The following DOK3 variants were observed in gnomAD, a reference collection of about 807,000 sequenced individuals.
DOK3 encodes docking protein 3, also known as Dok-like protein.
Under a neutral mutation model 26.2 loss-of-function variants are expected in DOK3, and 23 were observed. That is an observed-to-expected ratio of 0.88 (90% CI 0.63 to 1.24). The LOEUF is 1.24. Among genes scored for constraint, DOK3 ranks in the 50% most tolerant of loss-of-function variants. The pLI is 0.00. For missense variants in DOK3, 619 were observed against 610.6 expected (o/e 1.01, Z -0.15); for synonymous variants, 268 against 268.2 (o/e 1.00, Z 0.01).
chr5:177,509,967 C>A (rs551588361), upstream of DOK3: 3 of 1,418,210 alleles, frequency 2.1e-6, no homozygotes, highest in African/African-American at 4.3e-5. Flanking sequence ...CTTTCCCACT[C>A]GGCGTCCTGG....
chr5:177,505,094 G>A lies in DOK3; in HGVS notation c.389C>T (p.Ser130Phe). 1.2e-6 allele frequency: 2 copies of A among 1,611,450 alleles called. No homozygotes were observed. The highest frequency in any genetic ancestry group is 1.7e-6 in the Non-Finnish European group (2 of 1,178,950). ...QLAFPGTGEA[S>F]SGSTDAQSPK... The stretch of plus-strand genomic sequence containing the variant: ...AGACTGGGCATCTGTGGATCCTGAG[G>A]AGGCCTCCCCTGTCCCCTGGGGAAT... The change falls in exon 4 of 6, where the codon TCC becomes TTC. Residue 130 changes from serine to phenylalanine, a missense_variant. Ser to Phe is a radical substitution (Grantham distance 155). Coordinates refer to ENST00000510898, the MANE Select transcript of DOK3 (RefSeq NM_001308236.3).
Position 177,504,121 on chromosome 5 carries a change from G to A in DOK3, c.1185C>T (p.Ala395=), listed in dbSNP as rs1759687645. The A allele has an allele frequency of 1.9e-6, 3 of 1,613,838 alleles. No homozygotes were observed. In the East Asian group the frequency reaches 6.7e-5, roughly 36 times the overall value. ...PGPANDSTLE[A]QYRRLLELDQ... ...CCAGCTCCAGCAGCCGCCGGTACTGGGCCTCCAGGGTACTGTCGTTGGCCG... is the reference window on the plus strand; with the variant it reads ...CCAGCTCCAGCAGCCGCCGGTACTGAGCCTCCAGGGTACTGTCGTTGGCCG... The change falls in exon 6 of 6, where the codon GCC becomes GCT. Residue 395 remains alanine (A), a synonymous_variant. Coordinates refer to ENST00000510898, the MANE Select transcript of DOK3 (RefSeq NM_001308236.3).
Position 177,504,844 on chromosome 5 carries a change from G to A in DOK3, c.544C>T (p.Leu182=). Residue 182 remains leucine, a synonymous_variant, in exon 5 of 6, where the codon CTG becomes TTG. Coordinates refer to ENST00000510898, the MANE Select transcript of DOK3 (RefSeq NM_001308236.3). ...TGGATGGCGTCTGGGCCCAGCACCA[G>A]CAGGGCCGGCCCCTTCAGCTGGCAG... The part of the protein sequence containing the change: ...TRCQLKGPAL[L]VLGPDAIQLR... 6.2e-7 allele frequency: 1 copy of A among 1,612,834 alleles called. No individual in the cohort carries two copies.
At position 177,509,504 on chromosome 5, in the gene DOK3, G is replaced by A; in HGVS notation, c.37C>T (p.Leu13Phe). Residue 13 changes from leucine (L) to phenylalanine (F), a missense_variant, in exon 2 of 6, where the codon CTC becomes TTC. Coordinates refer to ENST00000510898, the MANE Select transcript of DOK3 (RefSeq NM_001308236.3). ...CCAAACTTGACATGCTGCTGGTAGAGGATGCCATCCTTGATAGGGGTCTCC... is the reference window on the plus strand; with the variant it reads ...CCAAACTTGACATGCTGCTGGTAGAAGATGCCATCCTTGATAGGGGTCTCC... ...PLETPIKDGI[L>F]YQQHVKFGKK... 3 of 1,610,352 alleles carry A rather than the reference G, an allele frequency of 1.9e-6. No individual in the cohort carries two copies. The highest frequency in any genetic ancestry group is 2.5e-6 in the Non-Finnish European group (3 of 1,178,246).
chr5:177,505,058 C>A lies in DOK3; in HGVS notation c.425G>T (p.Gly142Val). ...GGAGTTTTCCTCCATGGGGACCAGG[C>A]CCCTCTTGGGAGACTGGGCATCTGT... ...GSTDAQSPKR[G>V]LVPMEENSIY... Residue 142 changes from glycine (G) to valine (V), a missense_variant, in exon 4 of 6, where the codon GGC (glycine) becomes GTC (valine). By Grantham distance (109) the Gly-to-Val change is moderately radical. Transcript: ENST00000510898. 1.2e-6 allele frequency: 2 copies of A among 1,612,226 alleles called. No homozygotes were observed. The highest frequency in any genetic ancestry group is 1.1e-5 in the South Asian group (1 of 90,872).
At position 177,509,519 on chromosome 5, in the gene DOK3, T is replaced by C. The variant is rs1171325810; in HGVS notation, c.22A>G (p.Ile8Val). The C allele has an allele frequency of 1.9e-6, 3 of 1,610,742 alleles. No homozygotes were observed. The highest frequency in any genetic ancestry group is 2.5e-6 in the Non-Finnish European group (3 of 1,178,452). MDPLETP[I>V]KDGILYQQHV... Reference sequence around the variant, plus strand: ...TGCTGGTAGAGGATGCCATCCTTGATAGGGGTCTCCAGAGGGTCCATGGTC... The same window carrying C: ...TGCTGGTAGAGGATGCCATCCTTGACAGGGGTCTCCAGAGGGTCCATGGTC... Residue 8 changes from isoleucine to valine, a missense_variant, in exon 2 of 6, where the codon ATC (isoleucine) becomes GTC (valine). Transcript: ENST00000510898.
chr5:177,503,418 G>A lies in DOK3; in HGVS notation c.*565C>T. The A allele has an allele frequency of 6.6e-7, 1 of 1,521,614 alleles. No individual in the cohort carries two copies. Among genetic ancestry groups the A allele is most frequent in the Non-Finnish European group, 8.9e-7 (1 of 1,126,296 alleles). The allele number at this position is 1,521,614 out of a possible 1,614,324, so 94.3% of individuals were successfully genotyped here. The stretch of plus-strand genomic sequence containing the variant: ...CTGCAAATTGTTGGAGTTTCAGCAG[G>A]GAACAAGTGTTTTGGACGAGGGTGT... On this transcript the variant is annotated 3_prime_UTR_variant, in exon 6 of 6. Coordinates refer to ENST00000510898, the MANE Select transcript of DOK3 (RefSeq NM_001308236.3).
Position 177,503,806 on chromosome 5 carries a change from C to T in DOK3, c.*177G>A. The T allele has an allele frequency of 7.0e-7, 1 of 1,430,960 alleles. No homozygotes were observed. Among genetic ancestry groups the T allele is most frequent in the Non-Finnish European group, 9.1e-7 (1 of 1,097,154 alleles). The allele number at this position is 1,430,960 out of a possible 1,614,324, so 88.6% of individuals were successfully genotyped here. ...GAGCTTTATTATCTGTGAGTCTGCA[C>T]ACTATTCATGAGGAGGGCAGGGCAG... is the stretch of plus-strand genomic sequence containing the variant. On this transcript the variant is annotated 3_prime_UTR_variant, in exon 6 of 6. Transcript: ENST00000510898.
chr5:177,504,941 C>T (rs760521666), intron 4 of DOK3, 26 bp from the exon 5 acceptor site: 72 of 1,577,732 alleles, frequency 4.6e-5, no homozygotes, highest in South Asian at 8.2e-5. Flanking sequence ...AGGACAGCTC[C>T]GTCAGTCCCA....
At chr5:177,504,944 C>T (rs776666314) in intron 4 of DOK3, 29 bp from the exon 5 acceptor site, 4 of 1,578,038 alleles carry the variant, frequency 2.5e-6, no homozygotes, top group Non-Finnish European at 2.6e-6. Context: ...ACAGCTCCGT[C>T]AGTCCCAAAA....
At position 177,503,783 on chromosome 5, in the gene DOK3, G is replaced by C; in HGVS notation, c.*200C>G. ...GTGCCCCTGCCGGGAGCTGCTCTGA[G>C]CTTTATTATCTGTGAGTCTGCACAC... On this transcript the variant is annotated 3_prime_UTR_variant, in exon 6 of 6. Coordinates refer to ENST00000510898, the MANE Select transcript of DOK3 (RefSeq NM_001308236.3). 2.1e-6 allele frequency: 3 copies of C among 1,425,652 alleles called. No homozygotes were observed. Among genetic ancestry groups the C allele is most frequent in the South Asian group, 3.0e-5 (2 of 65,860 alleles). 88.3% of individuals were successfully genotyped at this position (1,425,652 alleles called of 1,614,324 possible). A position where few individuals can be genotyped will look rare whatever the true frequency, so the allele number is the denominator to read the frequency against.
Position 177,504,558 on chromosome 5 carries a change from C to T in DOK3, c.748G>A (p.Ala250Thr), listed in dbSNP as rs745759101. The T allele has an allele frequency of 4.4e-6, 7 of 1,596,160 alleles. No homozygotes were observed. The highest frequency in any genetic ancestry group is 3.5e-5 in the Admixed American group (2 of 56,972). The change falls in exon 6 of 6, where the codon GCC (alanine) becomes ACC (threonine). Residue 250 changes from alanine to threonine, a missense_variant. Coordinates refer to ENST00000510898, the MANE Select transcript of DOK3 (RefSeq NM_001308236.3). ...APDLCRAVAG[A>T]IARQRERLPE... ...AGCCGCTCCCGCTGGCGGGCGATGG[C>T]CCCGGCCACAGCCCTGCACAGGTCA...
chr5:177,503,436 G>A lies in DOK3; in HGVS notation c.*547C>T, dbSNP rs1483622317. 22 of 1,500,642 alleles carry A rather than the reference G, an allele frequency of 1.5e-5. No individual in the cohort carries two copies. Among genetic ancestry groups the A allele is most frequent in the Admixed American group, 4.2e-5 (2 of 47,400 alleles). The allele number at this position is 1,500,642 out of a possible 1,614,324, so 93.0% of individuals were successfully genotyped here. The stretch of plus-strand genomic sequence containing the variant: ...TCAGCAGGGAACAAGTGTTTTGGAC[G>A]AGGGTGTCTCTGAAATCCCTTCCAC... On this transcript the variant is annotated 3_prime_UTR_variant, in exon 6 of 6. Coordinates refer to ENST00000510898, the MANE Select transcript of DOK3 (RefSeq NM_001308236.3).
upstream of DOK3, chr5:177,509,848 G>A (rs375466054): frequency 3.4e-5 from 55 of 1,610,730 alleles, no homozygotes; most frequent in Non-Finnish European, 4.6e-5. Context: ...GGCTCCCCGA[G>A]TCATGAGTTC....
At chr5:177,506,893 T>C (rs1760253191) in intron 3 of DOK3, among the ~76,000 whole-genome samples, 1 of 148,710 alleles carries the variant, frequency 6.7e-6, no homozygotes, top group Non-Finnish European at 1.5e-5. Flanking sequence ...TTCTCCATGT[T>C]GAGGCTGGTC....
chr5:177,503,679 C>T lies in DOK3; in HGVS notation c.*304G>A, dbSNP rs1581776155. ...GAGCCCACGGGTGGCAGGTAAGGCC[C>T]AGGTCACCTGTGCCCCTGGAACCGG... is the stretch of plus-strand genomic sequence containing the variant. On this transcript the variant is annotated 3_prime_UTR_variant, in exon 6 of 6. Coordinates refer to ENST00000510898, the MANE Select transcript of DOK3 (RefSeq NM_001308236.3). The T allele has an allele frequency of 2.3e-5, 32 of 1,395,020 alleles. No individual in the cohort carries two copies. In the East Asian group the frequency reaches 8.2e-4, roughly 36 times the overall value. 86.4% of individuals were successfully genotyped at this position (1,395,020 alleles called of 1,614,324 possible). A position where few individuals can be genotyped will look rare whatever the true frequency, so the allele number is the denominator to read the frequency against.
At chr5:177,509,134 A>G (rs1055751768) in intron 2 of DOK3, 3 of 241,578 alleles carry the variant, frequency 1.2e-5, no homozygotes, top group African/African-American at 4.6e-5. Flanking sequence ...GGCCTCCTCC[A>G]GCTCAGCCCC....
rs1473445089 is a variant in DOK3 at position 177,503,920 on chromosome 5, C to T, written c.*63G>A. On this transcript the variant is annotated 3_prime_UTR_variant, in exon 6 of 6. Coordinates refer to ENST00000510898, the MANE Select transcript of DOK3 (RefSeq NM_001308236.3). ...TCTGCATGGGCCCAATGTTTGCCCA[C>T]CAGCCCACCCTCCTGTCCCAGGGGG... 1 of 1,464,980 alleles carries T rather than the reference C, an allele frequency of 6.8e-7. No homozygotes were observed. Among genetic ancestry groups the T allele is most frequent in the East Asian group, 2.5e-5 (1 of 40,218 alleles). The allele number at this position is 1,464,980 out of a possible 1,614,324, so 90.7% of individuals were successfully genotyped here. A position where few individuals can be genotyped will look rare whatever the true frequency, so the allele number is the denominator to read the frequency against.
intron 2 of DOK3, 141 bp from the exon 3 acceptor site, chr5:177,508,683 G>A (rs1358789331): frequency 1.4e-5 from 14 of 970,526 alleles, no homozygotes; most frequent in Non-Finnish European, 1.9e-5. Flanking sequence ...CAGGTAAGGA[G>A]GCCTTGGCTA....
Sources: allele counts gnomAD v4.1 joint callset (sites outside exome capture counted in the v4.1 genomes callset), GRCh38; gene constraint gnomAD v4.1.1; transcripts MANE v1.5; gene names NCBI Gene and HGNC (gene_info 2026-07-23, HGNC 2026-07-21).